Variants in CACNA1E observed in about 807,000 individuals in gnomAD.
The protein encoded by CACNA1E is voltage-dependent R-type calcium channel subunit alpha-1E.
In CACNA1E, 40 loss-of-function variants were observed where a neutral mutation model predicts 259.2. That is an observed-to-expected ratio of 0.15 (90% CI 0.12 to 0.20). CACNA1E has a LOEUF of 0.20. Among genes scored for constraint, CACNA1E ranks in the 10% least tolerant of loss-of-function variants. CACNA1E has a pLI of 1.00. For missense variants in CACNA1E, 1,874 were observed against 3,040.1 expected, an observed-to-expected ratio of 0.62 and a Z score of 9.02; for synonymous variants, 1,104 against 1,138.5, an observed-to-expected ratio of 0.97 and a Z score of 0.61.
chr1:181,394,707 G>T (rs1435460110), intron 1 of CACNA1E, among the ~76,000 whole-genome samples: 1 of 152,186 alleles, frequency 6.6e-6, no homozygotes, highest in Non-Finnish European at 1.5e-5. Context: ...CATTGTTAAG[G>T]TGATATTTGA....
At position 181,732,491 on chromosome 1, in the gene CACNA1E, C is replaced by A; in HGVS notation, c.2405C>A (p.Ala802Glu). 3.2e-6 allele frequency: 5 copies of A among 1,551,404 alleles called. No individual in the cohort carries two copies. The highest frequency in any genetic ancestry group is 4.4e-6 in the Non-Finnish European group (5 of 1,146,854). ...CAGGAGGCCCTCAACAGAGAGGAGG[C>A]GCCGACCATGAACCCGCTCAACCCC... ...SSQEALNREE[A>E]PTMNPLNPLN... The change falls in exon 20 of 48, where the codon GCG (alanine) becomes GAG (glutamate). Residue 802 changes from alanine to glutamate, a missense_variant. By Grantham distance (107) the Ala-to-Glu change is moderately radical. Transcript: ENST00000367573. This position sits in a 1 kb window ranked among gnomAD's most constrained non-coding sequence, Gnocchi z 5.5.
chr1:181,465,284 C>T (rs1042590033), intron 2 of CACNA1E, among the ~76,000 whole-genome samples: 1 of 152,018 alleles, frequency 6.6e-6, no homozygotes, highest in African/African-American at 2.4e-5. Context: ...TTTGATATTT[C>T]ACTAGAATAT....
intron 6 of CACNA1E, among the ~76,000 whole-genome samples, chr1:181,610,192 A>G (rs1654625309): frequency 6.6e-6 from 1 of 152,214 alleles, no homozygotes. Flanking sequence ...TGTTACAGAG[A>G]GAGTCTGTAG....
At chr1:181,492,062 T>C (rs1664364551) in intron 1 of CACNA1E, among the ~76,000 whole-genome samples, 1 of 152,196 alleles carries the variant, frequency 6.6e-6, no homozygotes, top group African/African-American at 2.4e-5. Context: ...ATTTAGCTAC[T>C]TCATAATTTT....
intron 6 of CACNA1E, among the ~76,000 whole-genome samples, chr1:181,622,473 T>C (rs1572404153): frequency 6.6e-6 from 1 of 152,114 alleles, no homozygotes; most frequent in Non-Finnish European, 1.5e-5. Flanking sequence ...TGTTGGCAGG[T>C]TTGTTTTGTC....
Position 181,745,755 on chromosome 1 carries a change from TAGAA to T in CACNA1E, c.3720-4717_3720-4714del, listed in dbSNP as rs200265746. Among the ~76,000 whole-genome samples, 1,476 of 152,240 alleles carry T rather than the reference TAGAA, an allele frequency of 9.7e-3. 22 individuals are homozygous for T. The highest frequency in any genetic ancestry group is 0.033 in the African/African-American group (1,379 of 41,520). On this transcript the variant is annotated intron_variant, in intron 25 of 47. Transcript: ENST00000367573. ...ACTTCCACCAGCTCCAAGGCCTTCT[TAGAA>T]AGATCAGCAGATGAGGTGTCTTTGG...
At chr1:181,756,589 T>C (rs1369393647) in intron 29 of CACNA1E, among the ~76,000 whole-genome samples, 1 of 152,182 alleles carries the variant, frequency 6.6e-6, no homozygotes, top group Non-Finnish European at 1.5e-5. Flanking sequence ...GACTTAGCAA[T>C]GACTAAGACA....
Position 181,484,006 on chromosome 1 carries a change from T to G in CACNA1E, c.262T>G (p.Trp88Gly). ...VRKYAKKLID[W>G]PPFEYMILAT... Reference sequence around the variant, plus strand: ...GAAATATGCCAAGAAGCTCATCGATTGGCCATATCCTTTCTTGCCCACCAT... The same window carrying G: ...GAAATATGCCAAGAAGCTCATCGATGGGCCATATCCTTTCTTGCCCACCAT... The change falls in exon 1 of 48, where the codon TGG (tryptophan) becomes GGG (glycine). Residue 88 changes from tryptophan to glycine, a missense_variant. Around this residue, in one of 14 missense-constraint regions of CACNA1E, gnomAD observed 110 missense variants for 122.8 expected, o/e 0.90. Transcript: ENST00000367573. 1.2e-6 allele frequency: 2 copies of G among 1,613,614 alleles called. No homozygotes were observed. The highest frequency in any genetic ancestry group is 1.1e-5 in the South Asian group (1 of 91,070).
At chr1:181,712,995 CA>C (rs1653531175) in intron 8 of CACNA1E, among the ~76,000 whole-genome samples, 1 of 152,206 alleles carries the variant, frequency 6.6e-6, no homozygotes, top group African/African-American at 2.4e-5. Flanking sequence ...AAAAAAGACG[CA>C]CTGCGACGTC....
At chr1:181,511,348 G>A (rs1666148389) in intron 2 of CACNA1E, 23 bp from the exon 3 acceptor site, 1 of 1,613,572 alleles carries the variant, frequency 6.2e-7, no homozygotes, top group Non-Finnish European at 8.5e-7. Flanking sequence ...TCTCACTGGT[G>A]CTTCTGCTCC....
At chr1:181,614,915 T>C (rs556383255) in intron 6 of CACNA1E, among the ~76,000 whole-genome samples, 2 of 152,326 alleles carry the variant, frequency 1.3e-5, no homozygotes, top group South Asian at 4.1e-4. Flanking sequence ...TTATTGAAAA[T>C]AATCTGCATA....
rs77649820 is a variant in CACNA1E, at chr1:181,511,221, G to A, written c.373-150G>A. 1,284 of 834,622 alleles carry A rather than the reference G, an allele frequency of 1.5e-3. 17 individuals carry two copies. The African/African-American group carries it at 0.019, about 12-fold the overall frequency. 51.7% of individuals were successfully genotyped at this position (834,622 alleles called of 1,614,324 possible). ...CCTGTGCACTCCTGAGTCACAGACA[G>A]CCTGCAAGGGTCCCTTAGCACCCTT... is the stretch of plus-strand genomic sequence containing the variant. On this transcript the variant is annotated intron_variant, in intron 2 of 47. Coordinates refer to ENST00000367573, the MANE Select transcript of CACNA1E (RefSeq NM_001205293.3).
intron 1 of CACNA1E, among the ~76,000 whole-genome samples, chr1:181,494,162 T>C (rs1664541303): frequency 6.6e-6 from 1 of 152,252 alleles, no homozygotes. Context: ...CTTTATTTAT[T>C]ACTTTGTTGT....
At chr1:181,567,696 T>G (rs1649985407) in intron 3 of CACNA1E, among the ~76,000 whole-genome samples, 1 of 152,204 alleles carries the variant, frequency 6.6e-6, no homozygotes, top group South Asian at 2.1e-4. Flanking sequence ...GGCAAACTGT[T>G]TCATCATTCT....
chr1:181,733,747 C>G lies in CACNA1E; in HGVS notation c.3259C>G (p.His1087Asp), dbSNP rs371930330. 6.5e-7 allele frequency: 1 copy of G among 1,541,564 alleles called. No homozygotes were observed. The highest frequency in any genetic ancestry group is 1.4e-5 in the African/African-American group (1 of 72,732). Residue 1087 changes from histidine to aspartate, a missense_variant, in exon 21 of 48, where the codon CAC becomes GAC. This residue lies in a region of CACNA1E where 476 missense variants were observed against 514.0 expected (regional missense o/e 0.93). Transcript: ENST00000367573. ...CCCCTTGGTGGACTCAACCGTGGTG[C>G]ACAGTGAGAGCACAGTCCCTGTTCC... ...VDPLVDSTVV[H>D]ISNKTDGEAS...
chr1:181,523,197 A>G (rs1667116844), intron 3 of CACNA1E, among the ~76,000 whole-genome samples: 1 of 152,184 alleles, frequency 6.6e-6, no homozygotes, highest in Non-Finnish European at 1.5e-5. Flanking sequence ...ATCAGGTCAA[A>G]GTTTGACTAG....
At chr1:181,492,933 C>T (rs1664442846) in intron 1 of CACNA1E, among the ~76,000 whole-genome samples, 2 of 152,146 alleles carry the variant, frequency 1.3e-5, no homozygotes, top group South Asian at 4.1e-4. Context: ...CAGAGTATGA[C>T]CTGAATAAAT....
chr1:181,367,482 G>T (rs549383827), intron 1 of CACNA1E, among the ~76,000 whole-genome samples: 149 of 150,924 alleles, frequency 9.9e-4, no homozygotes, highest in Non-Finnish European at 1.9e-3. Flanking sequence ...AGTTGTAGAA[G>T]AAATTAATAA....
intron 1 of CACNA1E, among the ~76,000 whole-genome samples, chr1:181,410,896 G>T (rs1557981469): frequency 2.0e-5 from 3 of 152,230 alleles, no homozygotes; most frequent in Admixed American, 2.0e-4. Flanking sequence ...ACCCAGGGAA[G>T]GCGGGGTGGG....
Sources: gnomAD v4.1 joint callset for allele counts (sites outside exome capture counted in the v4.1 genomes callset) on GRCh38, gnomAD v4.1.1 for gene constraint, gnomAD v4.1.1 regional missense constraint, Gnocchi (gnomAD v3.1) non-coding constraint, MANE v1.5 for transcripts, NCBI Gene and HGNC (gene_info 2026-07-23, HGNC 2026-07-21) for gene names.